CACNG6: variants seen among roughly 807,000 people sequenced by gnomAD.
CACNG6 encodes the protein calcium voltage-gated channel auxiliary subunit gamma 6, also known as voltage-dependent calcium channel gamma-6 subunit.
Under a neutral mutation model 23.9 loss-of-function variants are expected in CACNG6, and 21 were observed. The ratio of observed to expected loss-of-function variants is 0.88; its 90% confidence interval spans 0.62 to 1.26. The LOEUF (loss-of-function observed/expected upper bound fraction) is 1.26, where lower values mean the gene tolerates loss of function less well. Among genes scored for constraint, CACNG6 ranks in the 50% most tolerant of loss-of-function variants. The pLI, the probability that CACNG6 is intolerant of heterozygous loss-of-function variation, is 0.00. For synonymous variants in CACNG6, 182 were observed against 168.9 expected, an observed-to-expected ratio of 1.08 and a Z score of -0.60; for missense variants, 340 against 352.9, an observed-to-expected ratio of 0.96 and a Z score of 0.29.
chr19:53,994,155 C>A (rs999935163), intron 1 of CACNG6, among the ~76,000 whole-genome samples: 6 of 152,106 alleles, frequency 3.9e-5, no homozygotes, highest in Admixed American at 1.3e-4. Context: ...GCGCTCCCAT[C>A]CTGTGAGCCC....
intron 3 of CACNG6, among the ~76,000 whole-genome samples, chr19:54,002,575 G>A (rs527895125): frequency 2.2e-4 from 33 of 151,358 alleles, no homozygotes; most frequent in Non-Finnish European, 3.8e-4. Flanking sequence ...CGCTGAGGAC[G>A]CAACGATGAA....
intron 3 of CACNG6, among the ~76,000 whole-genome samples, chr19:54,006,091 A>AAAATAAATAAATAAAT (rs71193802): frequency 0.4 from 56,155 of 140,200 alleles, 12,538 homozygotes; most frequent in Middle Eastern, 0.5. Context: ...CTCTGTTTCA[A>AAAATAAATAAATAAAT]AAATAAATAA....
intron 1 of CACNG6, among the ~76,000 whole-genome samples, chr19:53,997,663 G>C (rs946011579): frequency 2.0e-5 from 3 of 152,114 alleles, no homozygotes; most frequent in Admixed American, 6.6e-5. Flanking sequence ...TCTGATCCCT[G>C]GTGAAGTGGG....
Position 53,992,833 on chromosome 19 carries a change from C to T in CACNG6, c.-45C>T, listed in dbSNP as rs765067616. 7.5e-7 allele frequency: 1 copy of T among 1,326,586 alleles called. No individual in the cohort carries two copies. The highest frequency in any genetic ancestry group is 9.8e-7 in the Non-Finnish European group (1 of 1,022,022). The allele number at this position is 1,326,586 out of a possible 1,614,324, so 82.2% of individuals were successfully genotyped here. A position where few individuals can be genotyped will look rare whatever the true frequency, so the allele number is the denominator to read the frequency against. On this transcript the variant is annotated 5_prime_UTR_variant, in exon 1 of 4. Transcript: ENST00000252729. This position sits in a 1 kb window ranked among gnomAD's most constrained non-coding sequence, Gnocchi z 4.1. ...CTCGCTCCCGCCCCTCGAGGCCCTT[C>T]GCCGGCTCTGCCTCCTCCCCCTTCC...
rs941147045 is a variant in CACNG6 at position 54,004,336 on chromosome 19, TGTGTGTG to T, written c.544+4566_544+4572del. Among the ~76,000 whole-genome samples the T allele has an allele frequency of 3.8e-3, 113 of 29,738 alleles. 3 individuals are homozygous for T. Among genetic ancestry groups the T allele is most frequent in the African/African-American group, 5.7e-3 (106 of 18,758 alleles). The allele number at this position is 29,738 out of a possible 152,430, so 19.5% of individuals were successfully genotyped here. On this transcript the variant is annotated intron_variant, in intron 3 of 3. Coordinates refer to ENST00000252729, the MANE Select transcript of CACNG6 (RefSeq NM_145814.2). Reference sequence around the variant, plus strand: ...CCACGCCTGGTTAATTTTGTATTTTTGTGTGTGTGTGTGTGTGTGTGTGTGTGTGTGT... The same window carrying T: ...CCACGCCTGGTTAATTTTGTATTTTTTGTGTGTGTGTGTGTGTGTGTGTGT...
chr19:53,998,273 G>A lies in CACNG6; in HGVS notation c.366G>A (p.Thr122=), dbSNP rs34604090. 113,055 of 1,613,502 alleles carry A rather than the reference G, an allele frequency of 0.07. 4,816 individuals carry two copies. Among genetic ancestry groups the A allele is most frequent in the African/African-American group, 0.2 (14,660 of 74,912 alleles). The change falls in exon 2 of 4, where the codon ACG becomes ACA. Residue 122 remains threonine (T), a synonymous_variant. Transcript: ENST00000252729. Reference sequence around the variant, plus strand: ...GCACCTATTTTAAATTCTTCACCACGGGGGAGAATGCACGCATCTTTCAGA... The same window carrying A: ...GCACCTATTTTAAATTCTTCACCACAGGGGAGAATGCACGCATCTTTCAGA... ...ANCTYFKFFT[T]GENARIFQRT...
chr19:54,009,934 T>A (rs558410862), intron 3 of CACNG6, among the ~76,000 whole-genome samples: 39 of 149,530 alleles, frequency 2.6e-4, no homozygotes, highest in African/African-American at 5.9e-4. Flanking sequence ...AAAAAAAAAA[T>A]AAAAAATAAA....
chr19:54,003,612 T>C (rs1473386287), intron 3 of CACNG6, among the ~76,000 whole-genome samples: 2 of 152,054 alleles, frequency 1.3e-5, no homozygotes, highest in Non-Finnish European at 2.9e-5. Context: ...CCACCTGCCT[T>C]GGCCTCCGAA....
Position 54,012,030 on chromosome 19 carries a change from C to A in CACNG6, c.624C>A (p.Pro208=). 6.2e-7 allele frequency: 1 copy of A among 1,606,148 alleles called. No homozygotes were observed. Among genetic ancestry groups the A allele is most frequent in the African/African-American group, 1.3e-5 (1 of 74,386 alleles). Residue 208 remains proline (P), a synonymous_variant, in exon 4 of 4, where the codon CCC becomes CCA. Coordinates refer to ENST00000252729, the MANE Select transcript of CACNG6 (RefSeq NM_145814.2). ...ALLQRVSPEP[P]PAPRLTYEYS... ...TGCAGAGAGTCAGCCCGGAGCCTCC[C>A]CCGGCCCCACGCCTCACCTACGAGT...
chr19:53,991,684 G>T lies in CACNG6; in HGVS notation c.-1194G>T, dbSNP rs1318925377. ...CAGCCGGACGCTTCGGAGGCAGCGC[G>T]GAGCTGGGGTCGGCGCGGGGCCGAG... On this transcript the variant is annotated 5_prime_UTR_variant, in exon 1 of 4. Transcript: ENST00000252729. Among the ~76,000 whole-genome samples the T allele has an allele frequency of 6.6e-6, 1 of 152,080 alleles. No individual in the cohort carries two copies. The highest frequency in any genetic ancestry group is 2.4e-5 in the African/African-American group (1 of 41,434).
chr19:53,999,772 G>A lies in CACNG6; in HGVS notation c.544+1G>A. ...GGAGCCGTCTGCTTTGGCCTCTCAG[G>A]TGAGGGTTCAGAGCCTGGAGGCTGA... On this transcript the variant is annotated splice_donor_variant, in intron 3 of 3. Coordinates refer to ENST00000252729, the MANE Select transcript of CACNG6 (RefSeq NM_145814.2). LOFTEE classifies it high-confidence loss of function. The A allele has an allele frequency of 6.2e-7, 1 of 1,613,658 alleles. No homozygotes were observed. Among genetic ancestry groups the A allele is most frequent in the Non-Finnish European group, 8.5e-7 (1 of 1,179,940 alleles).
chr19:54,000,665 G>A (rs935683137), intron 3 of CACNG6, among the ~76,000 whole-genome samples: 8 of 152,078 alleles, frequency 5.3e-5, no homozygotes, highest in South Asian at 4.1e-4. Context: ...TGCAACCTCC[G>A]CCTGCTGGGT....
chr19:54,000,680 G>T (rs2069566422), intron 3 of CACNG6, among the ~76,000 whole-genome samples: 4 of 151,946 alleles, frequency 2.6e-5, no homozygotes, highest in Admixed American at 1.3e-4. Flanking sequence ...CTGGGTTCAA[G>T]TGATTCTTCT....
intron 3 of CACNG6, among the ~76,000 whole-genome samples, chr19:54,001,219 G>A (rs549600712): frequency 3.5e-5 from 5 of 142,230 alleles, no homozygotes; most frequent in South Asian, 2.2e-4. Context: ...ACAGAGTTTC[G>A]CTCTTGTTGC....
In CACNG6 at chr19:53,991,709, G is replaced by A. The variant is rs2069461568; in HGVS notation, c.-1169G>A. Among the ~76,000 whole-genome samples the A allele has an allele frequency of 1.3e-5, 2 of 152,056 alleles. No individual in the cohort carries two copies. The highest frequency in any genetic ancestry group is 2.1e-4 in the South Asian group (1 of 4,828). ...GGAGCTGGGGTCGGCGCGGGGCCGA[G>A]GCAGGAGAGCGAGAGGGGCCCCTGC... On this transcript the variant is annotated 5_prime_UTR_variant, in exon 1 of 4. Coordinates refer to ENST00000252729, the MANE Select transcript of CACNG6 (RefSeq NM_145814.2).
intron 3 of CACNG6, among the ~76,000 whole-genome samples, chr19:54,010,747 T>TA (rs200175238): frequency 6.6e-6 from 1 of 151,770 alleles, no homozygotes; most frequent in African/African-American, 2.4e-5. Flanking sequence ...GCTAATTTTT[T>TA]AAAATTTTTT....
intron 3 of CACNG6, among the ~76,000 whole-genome samples, chr19:54,002,267 G>GTTTTTTTTTTTTTTTTT (rs138464456): frequency 2.3e-5 from 3 of 131,930 alleles, no homozygotes; most frequent in African/African-American, 1.0e-4. Context: ...CTAATTTTCG[G>GTTTTTTTTTTTTTTTTT]TTTTTTTGTT....
chr19:54,004,040 A>G (rs757422569), intron 3 of CACNG6, among the ~76,000 whole-genome samples: 45 of 152,132 alleles, frequency 3.0e-4, no homozygotes, highest in Non-Finnish European at 5.6e-4. Context: ...AATTATTTGC[A>G]GAGATGAGGT....
At chr19:53,995,074 C>T (rs371949821) in intron 1 of CACNG6, among the ~76,000 whole-genome samples, 44 of 152,162 alleles carry the variant, frequency 2.9e-4, no homozygotes, top group African/African-American at 1.0e-3. Context: ...CGAGAAATCT[C>T]GGTGGCTCGG....
Sources: allele counts gnomAD v4.1 joint callset (sites outside exome capture counted in the v4.1 genomes callset), GRCh38; gene constraint gnomAD v4.1.1; non-coding constraint Gnocchi (gnomAD v3.1); transcripts MANE v1.5; gene names NCBI Gene and HGNC (gene_info 2026-07-23, HGNC 2026-07-21).